CYP7B1: variants seen among roughly 807,000 people sequenced by gnomAD.
CYP7B1 encodes the protein cytochrome P450 family 7 subfamily B member 1.
A neutral mutation model predicts 42.7 loss-of-function variants in CYP7B1; 29 were observed. The observed-to-expected ratio is 0.68, with a 90% confidence interval of 0.51 to 0.93. CYP7B1 has a LOEUF of 0.93. Ranked by LOEUF, CYP7B1 falls within the 40% of genes least tolerant of loss-of-function variation. CYP7B1 has a pLI of 0.00. For synonymous variants in CYP7B1, 235 were observed against 218.2 expected, an observed-to-expected ratio of 1.08 and a Z score of -0.68; for missense variants, 655 against 600.5, an observed-to-expected ratio of 1.09 and a Z score of -0.95.
chr8:64,640,051 C>A (rs1805830238), intron 1 of CYP7B1, among the ~76,000 whole-genome samples: 1 of 152,046 alleles, frequency 6.6e-6, no homozygotes, highest in Admixed American at 6.6e-5. Context: ...GACAAAGAAA[C>A]CAGACACCTG....
At chr8:64,711,307 G>A (rs1443803307) in intron 1 of CYP7B1, among the ~76,000 whole-genome samples, 1 of 152,170 alleles carries the variant, frequency 6.6e-6, no homozygotes, top group Non-Finnish European at 1.5e-5. Flanking sequence ...ACTCACAGCT[G>A]AGTGGAAATG....
chr8:64,756,959 A>G (rs1169502155), intron 1 of CYP7B1, among the ~76,000 whole-genome samples: 1 of 152,214 alleles, frequency 6.6e-6, no homozygotes, highest in Non-Finnish European at 1.5e-5. Flanking sequence ...AGTCAGACGT[A>G]CAGTGGGGAT....
intron 1 of CYP7B1, among the ~76,000 whole-genome samples, chr8:64,771,047 C>CTTTTTTTTTTTTTTTTTTTTTTTTTTTTT (rs757503820): frequency 2.4e-5 from 1 of 42,486 alleles, no homozygotes; most frequent in African/African-American, 8.3e-5. Context: ...ATATCAGCAT[C>CTTTTTTTTTTTTTTTTTTTTTTTTTTTTT]TTTTTTTTTT....
At chr8:64,661,410 CG>C (rs1204041251) in intron 1 of CYP7B1, among the ~76,000 whole-genome samples, 47 of 152,234 alleles carry the variant, frequency 3.1e-4, no homozygotes, top group African/African-American at 1.1e-3. Context: ...AACTTTGGTG[CG>C]ATTTACTGTC....
At chr8:64,774,479 A>G (rs958164898) in intron 1 of CYP7B1, among the ~76,000 whole-genome samples, 2 of 152,184 alleles carry the variant, frequency 1.3e-5, no homozygotes, top group Admixed American at 1.3e-4. Flanking sequence ...AGTTGTTACT[A>G]GTAGCCTTAA....
chr8:64,714,446 G>A (rs1442395236), intron 1 of CYP7B1, among the ~76,000 whole-genome samples: 1 of 152,200 alleles, frequency 6.6e-6, no homozygotes, highest in African/African-American at 2.4e-5. Flanking sequence ...GTATCTGGAG[G>A]AATGGGTACT....
intron 1 of CYP7B1, among the ~76,000 whole-genome samples, chr8:64,789,068 G>A (rs1194413549): frequency 3.3e-5 from 5 of 151,948 alleles, no homozygotes; most frequent in African/African-American, 7.3e-5. Context: ...TTACAGGCAC[G>A]CACCATCATG....
intron 1 of CYP7B1, among the ~76,000 whole-genome samples, chr8:64,766,163 T>C (rs1035778706): frequency 6.6e-6 from 1 of 152,148 alleles, no homozygotes; most frequent in African/African-American, 2.4e-5. Flanking sequence ...TGGAGATTGG[T>C]GCCACAGACA....
At chr8:64,729,205 T>C (rs1368092248) in intron 1 of CYP7B1, among the ~76,000 whole-genome samples, 1 of 152,192 alleles carries the variant, frequency 6.6e-6, no homozygotes, top group Non-Finnish European at 1.5e-5. Flanking sequence ...TAACAGCTAA[T>C]GTAAATATGT....
intron 1 of CYP7B1, among the ~76,000 whole-genome samples, chr8:64,771,461 CT>C (rs975508584): frequency 1.3e-5 from 2 of 152,146 alleles, no homozygotes; most frequent in Admixed American, 6.5e-5. Context: ...GTTCTCACTT[CT>C]TTTTTTCTTT....
chr8:64,690,877 A>C (rs1193409592), intron 1 of CYP7B1, among the ~76,000 whole-genome samples: 1 of 152,220 alleles, frequency 6.6e-6, no homozygotes, highest in Non-Finnish European at 1.5e-5. Context: ...GCACATAAGC[A>C]ATCAGTTTTA....
intron 1 of CYP7B1, among the ~76,000 whole-genome samples, chr8:64,710,392 G>T (rs922036656): frequency 6.6e-6 from 1 of 152,100 alleles, no homozygotes; most frequent in Non-Finnish European, 1.5e-5. Context: ...CCTTTGGTCT[G>T]GCATTGCCAA....
intron 1 of CYP7B1, among the ~76,000 whole-genome samples, chr8:64,719,984 G>A (rs1407638613): frequency 2.0e-5 from 3 of 152,134 alleles, no homozygotes; most frequent in Admixed American, 6.6e-5. Context: ...CCCTTATTGA[G>A]CCTGATTGGA....
At chr8:64,642,354 T>C (rs1438326024) in intron 1 of CYP7B1, among the ~76,000 whole-genome samples, 4 of 152,254 alleles carry the variant, frequency 2.6e-5, no homozygotes, top group Admixed American at 6.5e-5. Flanking sequence ...GTCCACCTCG[T>C]TGGACTATTC....
chr8:64,691,009 G>A (rs1327533693), intron 1 of CYP7B1, among the ~76,000 whole-genome samples: 1 of 152,140 alleles, frequency 6.6e-6, no homozygotes, highest in African/African-American at 2.4e-5. Context: ...GTTCTATAAC[G>A]CTCTGGGATG....
chr8:64,715,196 C>T (rs921591930), intron 1 of CYP7B1, among the ~76,000 whole-genome samples: 1 of 152,154 alleles, frequency 6.6e-6, no homozygotes, highest in African/African-American at 2.4e-5. Context: ...ACGTAAATTG[C>T]CCCTTCTAGA....
Position 64,700,721 on chromosome 8 carries a change from A to AGTATAT in CYP7B1, c.123-76188_123-76183dup, listed in dbSNP as rs529527151. 2.0e-4 allele frequency among the ~76,000 whole-genome samples: 31 copies of AGTATAT among 152,288 alleles called. No homozygotes were observed. The East Asian group carries it at 5.4e-3, about 27-fold the overall frequency. ...TCATTTCATGGTTCAGAAAGAACAA[A>AGTATAT]GTATATGTATATGTGATAGCAGTGG... On this transcript the variant is annotated intron_variant, in intron 1 of 5. Transcript: ENST00000310193.
intron 1 of CYP7B1, among the ~76,000 whole-genome samples, chr8:64,733,971 A>G (rs544880809): frequency 1.3e-5 from 2 of 152,214 alleles, no homozygotes; most frequent in South Asian, 4.1e-4. Flanking sequence ...CCCCATCTCA[A>G]AAAATATATT....
chr8:64,649,434 C>A (rs1806006546), intron 1 of CYP7B1, among the ~76,000 whole-genome samples: 1 of 151,958 alleles, frequency 6.6e-6, no homozygotes, highest in Non-Finnish European at 1.5e-5. Context: ...ATGTATGTAC[C>A]ATGTTTTCTT....
Sources: allele counts gnomAD v4.1 joint callset (sites outside exome capture counted in the v4.1 genomes callset), GRCh38; gene constraint gnomAD v4.1.1; transcripts MANE v1.5; gene names NCBI Gene and HGNC (gene_info 2026-07-23, HGNC 2026-07-21).